The following B3GNT2 variants were observed in gnomAD, a reference collection of about 807,000 sequenced individuals.
B3GNT2 encodes the protein UDP-GlcNAc:betaGal beta-1,3-N-acetylglucosaminyltransferase 2.
A neutral mutation model predicts 27.6 loss-of-function variants in B3GNT2; 12 were observed. That is an observed-to-expected ratio of 0.44 (90% CI 0.28 to 0.71). The LOEUF (loss-of-function observed/expected upper bound fraction) is 0.71, where lower values mean the gene tolerates loss of function less well. Ranked by LOEUF, B3GNT2 falls within the 30% of genes least tolerant of loss-of-function variation. The pLI, the probability that B3GNT2 is intolerant of heterozygous loss-of-function variation, is 0.17. For missense variants in B3GNT2, 413 were observed against 488.5 expected, an observed-to-expected ratio of 0.85 and a Z score of 1.46; for synonymous variants, 192 against 189.7, an observed-to-expected ratio of 1.01 and a Z score of -0.10.
At chr2:62,206,950 T>C (rs1674387487) in intron 1 of B3GNT2, among the ~76,000 whole-genome samples, 1 of 152,208 alleles carries the variant, frequency 6.6e-6, no homozygotes, top group African/African-American at 2.4e-5. Context: ...TACCAAGAAA[T>C]TGAGACTTCC....
chr2:62,208,417 C>T (rs1254005752), intron 1 of B3GNT2, among the ~76,000 whole-genome samples: 3 of 152,176 alleles, frequency 2.0e-5, no homozygotes, highest in Admixed American at 6.5e-5. Flanking sequence ...CTCACCTCCC[C>T]CATCCCTGAG....
chr2:62,208,733 G>A (rs991857776), intron 1 of B3GNT2, among the ~76,000 whole-genome samples: 2 of 152,184 alleles, frequency 1.3e-5, no homozygotes, highest in Non-Finnish European at 2.9e-5. Flanking sequence ...AATGTCCTTA[G>A]ATTAGGTCCT....
intron 1 of B3GNT2, among the ~76,000 whole-genome samples, chr2:62,198,760 T>A (rs1237714393): frequency 1.3e-5 from 2 of 152,180 alleles, no homozygotes; most frequent in African/African-American, 4.8e-5. Flanking sequence ...GAACTGATAA[T>A]TCATAGTTGA....
intron 1 of B3GNT2, among the ~76,000 whole-genome samples, chr2:62,206,786 T>C (rs1372859367): frequency 6.6e-6 from 1 of 152,190 alleles, no homozygotes; most frequent in African/African-American, 2.4e-5. Flanking sequence ...CAGGCAGTTC[T>C]CTCCAAGCTG....
intron 1 of B3GNT2, among the ~76,000 whole-genome samples, chr2:62,200,587 C>T (rs1302737043): frequency 1.3e-5 from 2 of 152,160 alleles, no homozygotes; most frequent in African/African-American, 4.8e-5. Context: ...GTATAACATG[C>T]AGTAAAGTGT....
At chr2:62,208,582 A>G (rs1381224262) in intron 1 of B3GNT2, among the ~76,000 whole-genome samples, 1 of 152,162 alleles carries the variant, frequency 6.6e-6, no homozygotes, top group Non-Finnish European at 1.5e-5. Flanking sequence ...TAGGATACTT[A>G]TGGAGAAGAG....
chr2:62,199,673 A>T (rs1674223111), intron 1 of B3GNT2, among the ~76,000 whole-genome samples: 1 of 152,232 alleles, frequency 6.6e-6, no homozygotes, highest in African/African-American at 2.4e-5. Context: ...TAAAACATGA[A>T]TTAAACTAGA....
In B3GNT2 at chr2:62,213,089, G is replaced by C. The variant is rs532436860; in HGVS notation, c.-9-9123G>C. On this transcript the variant is annotated intron_variant, in intron 1 of 1. Coordinates refer to ENST00000301998, the MANE Select transcript of B3GNT2 (RefSeq NM_006577.6). ...CCCAAAAAGGGACTGCTTGCATTCC[G>C]GTGTTTTTTTTCTAAAATGACTGTC... Among the ~76,000 whole-genome samples, 10 of 152,248 alleles carry C rather than the reference G, an allele frequency of 6.6e-5. No homozygotes were observed. In the South Asian group the frequency reaches 2.1e-3, roughly 32 times the overall value.
intron 1 of B3GNT2, among the ~76,000 whole-genome samples, chr2:62,216,643 A>G (rs115926955): frequency 0.013 from 2,034 of 152,100 alleles, 49 homozygotes; most frequent in African/African-American, 0.048. Context: ...GGCTCAAGCA[A>G]TCCTCTCACC....
Position 62,197,032 on chromosome 2 carries a change from A to T in B3GNT2, c.-10+677A>T, listed in dbSNP as rs540742521. 6.6e-5 allele frequency among the ~76,000 whole-genome samples: 10 copies of T among 151,638 alleles called. No individual in the cohort carries two copies. In the South Asian group the frequency reaches 1.0e-3, roughly 16 times the overall value. On this transcript the variant is annotated intron_variant, in intron 1 of 1. Coordinates refer to ENST00000301998, the MANE Select transcript of B3GNT2 (RefSeq NM_006577.6). Reference sequence around the variant, plus strand: ...GGAAAACCTTTCGCTTTGACCTTTTAAAAAAAATATTCCACACTGTTTGCG... The same window carrying T: ...GGAAAACCTTTCGCTTTGACCTTTTTAAAAAAATATTCCACACTGTTTGCG...
chr2:62,222,353 A>C lies in B3GNT2; in HGVS notation c.133A>C (p.Lys45Gln), dbSNP rs1194875450. 7.4e-6 allele frequency: 12 copies of C among 1,614,048 alleles called. No individual in the cohort carries two copies. The highest frequency in any genetic ancestry group is 1.0e-5 in the Non-Finnish European group (12 of 1,180,042). ...KNGKGEVIIP[K>Q]EKFWKISTPP... ...TGGAAAAGGGGAAGTAATAATACCC[A>C]AAGAGAAGTTCTGGAAGATATCTAC... The change falls in exon 2 of 2, where the codon AAA becomes CAA. Residue 45 changes from lysine (K) to glutamine (Q), a missense_variant. Transcript: ENST00000301998. This position sits in a 1 kb window ranked among gnomAD's most constrained non-coding sequence, Gnocchi z 4.2.
At chr2:62,211,993 G>A (rs528527159) in intron 1 of B3GNT2, among the ~76,000 whole-genome samples, 51 of 152,292 alleles carry the variant, frequency 3.3e-4, no homozygotes, top group African/African-American at 1.2e-3. Context: ...AAAAATGTTC[G>A]TTGTTAGAAA....
chr2:62,208,979 T>C (rs1323013672), intron 1 of B3GNT2, among the ~76,000 whole-genome samples: 1 of 151,734 alleles, frequency 6.6e-6, no homozygotes, highest in African/African-American at 2.4e-5. Context: ...GAGGAAGAGG[T>C]GACACATTGG....
chr2:62,222,661 G>A lies in B3GNT2; in HGVS notation c.441G>A (p.Ala147=), dbSNP rs957166825. The A allele has an allele frequency of 7.4e-6, 12 of 1,614,192 alleles. No homozygotes were observed. Among genetic ancestry groups the A allele is most frequent in the South Asian group, 4.4e-5 (4 of 91,084 alleles). The stretch of plus-strand genomic sequence containing the variant: ...CAAAGAAACCTTTCTTGTTGCTGGC[G>A]ATTAAGTCCCTCACTCCACATTTTG... ...KCAKKPFLLL[A]IKSLTPHFAR... is the part of the protein sequence containing the mutation. The change falls in exon 2 of 2, where the codon GCG becomes GCA. Residue 147 remains alanine (A), a synonymous_variant. Coordinates refer to ENST00000301998, the MANE Select transcript of B3GNT2 (RefSeq NM_006577.6). This position sits in a 1 kb window ranked among gnomAD's most constrained non-coding sequence, Gnocchi z 4.2.
At chr2:62,214,628 G>A (rs919443840) in intron 1 of B3GNT2, among the ~76,000 whole-genome samples, 2 of 152,206 alleles carry the variant, frequency 1.3e-5, no homozygotes, top group African/African-American at 2.4e-5. Context: ...AGTGAAGGAC[G>A]GAACTTTGAG....
intron 1 of B3GNT2, among the ~76,000 whole-genome samples, chr2:62,210,865 C>T (rs1462975506): frequency 6.6e-6 from 1 of 152,026 alleles, no homozygotes; most frequent in East Asian, 1.9e-4. Flanking sequence ...ATCAGTGTGA[C>T]CTTTCTTTTT....
intron 1 of B3GNT2, among the ~76,000 whole-genome samples, chr2:62,210,825 C>T (rs926476533): frequency 1.3e-5 from 2 of 152,032 alleles, no homozygotes; most frequent in African/African-American, 4.8e-5. Flanking sequence ...TGGATGACTT[C>T]ATGCTCTTGG....
chr2:62,222,415 G>C lies in B3GNT2; in HGVS notation c.195G>C (p.Lys65Asn), dbSNP rs751721470. The change falls in exon 2 of 2, where the codon AAG becomes AAC. Residue 65 changes from lysine to asparagine, a missense_variant. Physicochemically the swap from Lys to Asn is moderately conservative, Grantham distance 94. Coordinates refer to ENST00000301998, the MANE Select transcript of B3GNT2 (RefSeq NM_006577.6). This position sits in a 1 kb window ranked among gnomAD's most constrained non-coding sequence, Gnocchi z 4.2. ...PEAYWNREQE[K>N]LNRQYNPILS... ...CATACTGGAACCGAGAGCAAGAGAA[G>C]CTGAACCGGCAGTACAACCCCATCC... 1 of 1,614,148 alleles carries C rather than the reference G, an allele frequency of 6.2e-7. No homozygotes were observed.
intron 1 of B3GNT2, among the ~76,000 whole-genome samples, chr2:62,220,305 A>G (rs1573271861): frequency 1.3e-5 from 2 of 152,350 alleles, no homozygotes; most frequent in Admixed American, 6.5e-5. Context: ...CAGCCATGCT[A>G]GATTTCTTAC....
Sources: allele counts gnomAD v4.1 joint callset (sites outside exome capture counted in the v4.1 genomes callset), GRCh38; gene constraint gnomAD v4.1.1; non-coding constraint Gnocchi (gnomAD v3.1); transcripts MANE v1.5; gene names NCBI Gene and HGNC (gene_info 2026-07-23, HGNC 2026-07-21).